Variants in KCNH8 observed in about 807,000 individuals in gnomAD.
KCNH8 encodes the protein potassium voltage-gated channel subfamily H member 8, also known as voltage-gated delayed rectifier potassium channel KCNH8.
In KCNH8, 70 loss-of-function variants were observed where a neutral mutation model predicts 103.6. That is an observed-to-expected ratio of 0.68 (90% CI 0.56 to 0.82). KCNH8 has a LOEUF of 0.82. Ranked by LOEUF, KCNH8 falls within the 40% of genes least tolerant of loss-of-function variation. The pLI is 0.00. For synonymous variants in KCNH8, 498 were observed against 489.4 expected, an observed-to-expected ratio of 1.02 and a Z score of -0.23; for missense variants, 1,217 against 1,329.9, an observed-to-expected ratio of 0.92 and a Z score of 1.32.
intron 2 of KCNH8, among the ~76,000 whole-genome samples, chr3:19,260,990 A>ATATC (rs1473080112): frequency 1.4e-5 from 2 of 144,764 alleles, no homozygotes; most frequent in African/African-American, 5.2e-5. Context: ...ATATATATAT[A>ATATC]TATCAGTTTA....
At chr3:19,293,913 A>G (rs1318703483) in intron 3 of KCNH8, among the ~76,000 whole-genome samples, 1 of 152,202 alleles carries the variant, frequency 6.6e-6, no homozygotes, top group Admixed American at 6.5e-5. Flanking sequence ...TTGGCTCTTC[A>G]GAGATAGATA....
rs1191512041 is a variant in KCNH8, at chr3:19,535,354, T to A, written c.*1255T>A. 6.6e-6 allele frequency: 1 copy of A among 152,202 alleles called. No homozygotes were observed. The highest frequency in any genetic ancestry group is 2.4e-5 in the African/African-American group (1 of 41,450). 9.4% of individuals were successfully genotyped at this position (152,202 alleles called of 1,614,324 possible). A position where few individuals can be genotyped will look rare whatever the true frequency, so the allele number is the denominator to read the frequency against. ...TACAGCGCAGTTGTTTCCATTCCTA[T>A]TTTTAATAAATCTCAGGGGAAGCCT... On this transcript the variant is annotated 3_prime_UTR_variant, in exon 16 of 16. Transcript: ENST00000328405.
At chr3:19,183,437 A>G (rs375391303) in intron 1 of KCNH8, among the ~76,000 whole-genome samples, 55 of 152,164 alleles carry the variant, frequency 3.6e-4, no homozygotes, top group African/African-American at 1.3e-3. Flanking sequence ...AACAATGACA[A>G]TGGAATCGAA....
chr3:19,216,132 T>G (rs1189859752), intron 1 of KCNH8, among the ~76,000 whole-genome samples: 1 of 152,248 alleles, frequency 6.6e-6, no homozygotes, highest in Non-Finnish European at 1.5e-5. Context: ...ACCTGCTGGA[T>G]GTACCTATCA....
chr3:19,449,846 G>A (rs1244890300), intron 8 of KCNH8, among the ~76,000 whole-genome samples: 1 of 151,692 alleles, frequency 6.6e-6, no homozygotes, highest in East Asian at 1.9e-4. Context: ...AAATCAAAGG[G>A]GCCTATTTTG....
Position 19,331,949 on chromosome 3 carries a change from G to A in KCNH8, c.443-10638G>A, listed in dbSNP as rs1575533341. Among the ~76,000 whole-genome samples the A allele has an allele frequency of 2.0e-5, 3 of 152,004 alleles. No individual in the cohort carries two copies. The South Asian group carries it at 6.2e-4, about 32-fold the overall frequency. On this transcript the variant is annotated intron_variant, in intron 3 of 15. Transcript: ENST00000328405. ...GTCTCTGAACTGTTTTACTTGTGAA[G>A]ATCCATATTCAAAATGGCCAATATC... is the stretch of plus-strand genomic sequence containing the variant.
intron 3 of KCNH8, among the ~76,000 whole-genome samples, chr3:19,316,761 AACCC>A (rs2065280081): frequency 6.6e-6 from 1 of 151,920 alleles, no homozygotes; most frequent in South Asian, 2.1e-4. Context: ...TTATCTTGGG[AACCC>A]TATGAATTAG....
chr3:19,269,147 G>A (rs1269478902), intron 2 of KCNH8, among the ~76,000 whole-genome samples: 1 of 152,094 alleles, frequency 6.6e-6, no homozygotes, highest in South Asian at 2.1e-4. Context: ...GATCTAAGAA[G>A]CATCATTATA....
intron 1 of KCNH8, among the ~76,000 whole-genome samples, chr3:19,182,078 T>G (rs1559411912): frequency 6.6e-6 from 1 of 152,162 alleles, no homozygotes; most frequent in Non-Finnish European, 1.5e-5. Flanking sequence ...ACTGTTCTTT[T>G]ATATACTATA....
chr3:19,512,110 AGT>A (rs2068793201), intron 12 of KCNH8, among the ~76,000 whole-genome samples: 1 of 152,216 alleles, frequency 6.6e-6, no homozygotes, highest in African/African-American at 2.4e-5. Flanking sequence ...AGCACAGAAA[AGT>A]GAGCAGAGAA....
intron 11 of KCNH8, among the ~76,000 whole-genome samples, chr3:19,470,227 T>G (rs1229623341): frequency 6.6e-6 from 1 of 152,190 alleles, no homozygotes; most frequent in East Asian, 1.9e-4. Context: ...GGAGATTTAA[T>G]GTAAGAATTC....
intron 1 of KCNH8, among the ~76,000 whole-genome samples, chr3:19,170,996 A>G (rs1024089284): frequency 6.4e-4 from 97 of 151,776 alleles, no homozygotes; most frequent in African/African-American, 2.3e-3. Flanking sequence ...TATTTTTAGT[A>G]GAGACGGGGT....
chr3:19,154,936 A>G (rs1251405744), intron 1 of KCNH8, among the ~76,000 whole-genome samples: 1 of 152,224 alleles, frequency 6.6e-6, no homozygotes, highest in African/African-American at 2.4e-5. Context: ...TCCAAAATAC[A>G]AACATCAAAG....
At chr3:19,397,464 AAAC>A (rs559672595) in intron 7 of KCNH8, among the ~76,000 whole-genome samples, 127 of 151,782 alleles carry the variant, frequency 8.4e-4, no homozygotes, top group African/African-American at 2.1e-3. Flanking sequence ...TATCAAGAAT[AAAC>A]AAACCCCAAA....
At chr3:19,319,451 T>A (rs1164343064) in intron 3 of KCNH8, among the ~76,000 whole-genome samples, 1 of 151,846 alleles carries the variant, frequency 6.6e-6, no homozygotes, top group Non-Finnish European at 1.5e-5. Flanking sequence ...TTTTTGTTTG[T>A]TTTGTTGAAG....
At chr3:19,217,729 C>T (rs1357547214) in intron 1 of KCNH8, among the ~76,000 whole-genome samples, 2 of 152,150 alleles carry the variant, frequency 1.3e-5, no homozygotes, top group African/African-American at 4.8e-5. Context: ...TCTGTACTTA[C>T]AGGTATCAGG....
intron 2 of KCNH8, among the ~76,000 whole-genome samples, chr3:19,272,504 C>T (rs2064603290): frequency 6.6e-6 from 1 of 152,010 alleles, no homozygotes; most frequent in Admixed American, 6.6e-5. Flanking sequence ...GTTGCTAAGA[C>T]AGGTCTGTTC....
chr3:19,214,050 T>C (rs540046807), intron 1 of KCNH8, among the ~76,000 whole-genome samples: 7 of 152,302 alleles, frequency 4.6e-5, no homozygotes, highest in African/African-American at 1.7e-4. Flanking sequence ...GATTAGTTGC[T>C]GATCATCTGC....
Position 19,413,786 on chromosome 3 carries a change from CCCT to C in KCNH8, c.1177+18480_1177+18482del, listed in dbSNP as rs561498537. ...GAAGCCCTAGAAAACTAATAAAATGCCCTCCTCTGTTTTAAAAACAAAAGAGTT... is the reference window on the plus strand; with the variant it reads ...GAAGCCCTAGAAAACTAATAAAATGCCCTCTGTTTTAAAAACAAAAGAGTT... On this transcript the variant is annotated intron_variant, in intron 7 of 15. Coordinates refer to ENST00000328405, the MANE Select transcript of KCNH8 (RefSeq NM_144633.3). 3.9e-5 allele frequency among the ~76,000 whole-genome samples: 6 copies of C among 152,080 alleles called. No homozygotes were observed. In the South Asian group the frequency reaches 1.2e-3, roughly 32 times the overall value.
Sources: allele counts gnomAD v4.1 joint callset (sites outside exome capture counted in the v4.1 genomes callset), GRCh38; gene constraint gnomAD v4.1.1; transcripts MANE v1.5; gene names NCBI Gene and HGNC (gene_info 2026-07-23, HGNC 2026-07-21).